MICAL2: variants seen among roughly 807,000 people sequenced by gnomAD.
MICAL2 encodes the protein [F-actin]-monooxygenase MICAL2.
MICAL2 carries 77 observed loss-of-function variants against 127.3 expected under a neutral mutation model. That is an observed-to-expected ratio of 0.60 (90% CI 0.50 to 0.73). MICAL2 has a LOEUF of 0.73. Ranked by LOEUF, MICAL2 falls within the 30% of genes least tolerant of loss-of-function variation. MICAL2 has a pLI of 0.00. For missense variants in MICAL2, 1,351 were observed against 1,434.4 expected, an observed-to-expected ratio of 0.94 and a Z score of 0.94; for synonymous variants, 570 against 551.1, an observed-to-expected ratio of 1.03 and a Z score of -0.48.
At position 12,221,754 on chromosome 11, in the gene MICAL2, T is replaced by A; in HGVS notation, c.1317T>A (p.Ala439=). ...GCACCCCTCCCCTGGAGCTGCTGGC[T>A]GAAAGGTGAGCTTTGACAGTAGGGC... ...NQGTPPLELL[A]ERESLYRLLP... Residue 439 remains alanine, a synonymous_variant, in exon 10 of 28, where the codon GCT becomes GCA. Transcript: ENST00000683283. The A allele has an allele frequency of 1.2e-6, 2 of 1,612,952 alleles. No homozygotes were observed. Among genetic ancestry groups the A allele is most frequent in the Non-Finnish European group, 1.7e-6 (2 of 1,179,472 alleles).
intron 7 of MICAL2, among the ~76,000 whole-genome samples, 179 bp from the exon 8 acceptor site, chr11:12,216,040 A>G (rs576747140): frequency 6.6e-6 from 1 of 152,300 alleles, no homozygotes; most frequent in African/African-American, 2.4e-5. Flanking sequence ...AGCTGCTTTG[A>G]CTTGGGTAGA....
At chr11:12,161,826 G>A in intron 2 of MICAL2, 1 of 384,912 alleles carries the variant, frequency 2.6e-6, no homozygotes, top group Non-Finnish European at 4.8e-6. Flanking sequence ...GCATAGCCCT[G>A]TGCAATCTGT....
chr11:12,361,861 G>A (rs1287184911), downstream of MICAL2, among the ~76,000 whole-genome samples: 1 of 152,252 alleles, frequency 6.6e-6, no homozygotes, highest in African/African-American at 2.4e-5. Context: ...AGAGGTGGCA[G>A]GGGGCAGCCG....
chr11:12,176,447 C>T (rs965651361), intron 3 of MICAL2, among the ~76,000 whole-genome samples: 1 of 152,168 alleles, frequency 6.6e-6, no homozygotes, highest in Non-Finnish European at 1.5e-5. Context: ...TCGCCTCCTT[C>T]TACTTCTTGA....
intron 3 of MICAL2, among the ~76,000 whole-genome samples, chr11:12,199,805 G>A (rs188526392): frequency 6.6e-6 from 1 of 152,162 alleles, no homozygotes; most frequent in East Asian, 1.9e-4. Context: ...CTGTGCTAAC[G>A]TGGAGGCCTG....
At chr11:12,284,957 CAG>C (rs145074035) in intron 2 of MICAL2, among the ~76,000 whole-genome samples, 2,684 of 152,326 alleles carry the variant, frequency 0.018, 56 homozygotes, top group East Asian at 0.11. Flanking sequence ...TTTCTCAAGA[CAG>C]GGGAATTGCG....
chr11:12,147,180 G>A (rs1416356400), intron 2 of MICAL2, among the ~76,000 whole-genome samples: 2 of 151,834 alleles, frequency 1.3e-5, no homozygotes, highest in African/African-American at 4.8e-5. Context: ...TGCACATTGT[G>A]CACATGTACC....
intron 3 of MICAL2, among the ~76,000 whole-genome samples, chr11:12,188,226 G>A (rs1184085964): frequency 1.3e-5 from 2 of 152,100 alleles, no homozygotes; most frequent in African/African-American, 4.8e-5. Context: ...ATTACGTGTT[G>A]CAATGATAAT....
At chr11:12,228,647 G>A (rs1233456031) in intron 15 of MICAL2, among the ~76,000 whole-genome samples, 2 of 152,166 alleles carry the variant, frequency 1.3e-5, no homozygotes, top group Non-Finnish European at 1.5e-5. Flanking sequence ...ATGGGAAGGG[G>A]AACAGGCAGT....
intron 3 of MICAL2, among the ~76,000 whole-genome samples, chr11:12,199,202 T>G (rs2134085589): frequency 6.6e-6 from 1 of 152,348 alleles, no homozygotes; most frequent in South Asian, 2.1e-4. Flanking sequence ...AGTGCCTTAG[T>G]TACCTCACTT....
intron 4 of MICAL2, among the ~76,000 whole-genome samples, chr11:12,206,583 C>T (rs1037022074): frequency 5.3e-5 from 8 of 152,108 alleles, no homozygotes; most frequent in Non-Finnish European, 1.5e-5. Flanking sequence ...TTGGATCACC[C>T]CAGCCACATC....
chr11:12,226,272 A>G lies in MICAL2; in HGVS notation c.1790A>G (p.Lys597Arg). ...EFGIPPVTTGKEMASAQEPDK... is the reference protein window; with the variant it reads ...EFGIPPVTTGREMASAQEPDK... ...GGGATCCCTCCAGTGACCACGGGCA[A>G]AGAGATGGCATCTGCCCAGGAGCCT... The change falls in exon 14 of 28, where the codon AAA (lysine) becomes AGA (arginine). Residue 597 changes from lysine to arginine, a missense_variant. This residue lies in a region of MICAL2 where 752 missense variants were observed against 719.4 expected (regional missense o/e 1.05). Transcript: ENST00000683283. The G allele has an allele frequency of 6.2e-7, 1 of 1,614,230 alleles. No individual in the cohort carries two copies. Among genetic ancestry groups the G allele is most frequent in the South Asian group, 1.1e-5 (1 of 91,084 alleles).
intron 3 of MICAL2, among the ~76,000 whole-genome samples, chr11:12,168,519 CCA>C (rs1855826999): frequency 6.6e-6 from 1 of 150,634 alleles, no homozygotes; most frequent in Admixed American, 6.6e-5. Flanking sequence ...ATACATAACA[CCA>C]CACACACACT....
downstream of MICAL2, among the ~76,000 whole-genome samples, chr11:12,267,117 C>T (rs545307582): frequency 2.0e-5 from 3 of 152,342 alleles, no homozygotes; most frequent in South Asian, 4.1e-4. Context: ...CACCTCCCTT[C>T]GGACACCCAG....
chr11:12,125,957 T>C (rs1850886202), intron 1 of MICAL2, among the ~76,000 whole-genome samples: 2 of 152,218 alleles, frequency 1.3e-5, no homozygotes, highest in Admixed American at 1.3e-4. Flanking sequence ...GTGACTCACC[T>C]GCTTGAGTCA....
chr11:12,227,064 G>T lies in MICAL2; in HGVS notation c.1928G>T (p.Ser643Ile). The change falls in exon 15 of 28, where the codon AGC (serine) becomes ATC (isoleucine). Residue 643 changes from serine (S) to isoleucine (I), a missense_variant. Coordinates refer to ENST00000683283, the MANE Select transcript of MICAL2 (RefSeq NM_001282663.2). ...AACTATGGAGAAAATGCTGACCTCA[G>T]CTTGGCCAAATCATCCATTTCTAAT... Reference protein sequence around the residue: ...RKNYGENADLSLAKSSISNNY... With the variant: ...RKNYGENADLILAKSSISNNY... The T allele has an allele frequency of 6.2e-7, 1 of 1,614,114 alleles. No individual in the cohort carries two copies. Among genetic ancestry groups the T allele is most frequent in the Non-Finnish European group, 8.5e-7 (1 of 1,179,988 alleles).
chr11:12,337,704 G>A (rs1438331465), intron 32 of MICAL2, among the ~76,000 whole-genome samples: 13 of 151,720 alleles, frequency 8.6e-5, no homozygotes, highest in Admixed American at 2.0e-4. Context: ...CCTTCATTTC[G>A]TTATGTACCC....
intron 32 of MICAL2, among the ~76,000 whole-genome samples, chr11:12,343,425 C>T (rs1330864769): frequency 1.4e-5 from 1 of 71,528 alleles, no homozygotes; most frequent in Non-Finnish European, 3.9e-5. Flanking sequence ...AAAAAAAAAA[C>T]TGTAGCCAAT....
At chr11:12,174,394 T>C (rs1305859775) in intron 3 of MICAL2, among the ~76,000 whole-genome samples, 2 of 139,482 alleles carry the variant, frequency 1.4e-5, no homozygotes, top group African/African-American at 5.2e-5. Context: ...CCATTCTACT[T>C]TCTGTCTCTA....
Sources: gnomAD v4.1 joint callset for allele counts (sites outside exome capture counted in the v4.1 genomes callset) on GRCh38, gnomAD v4.1.1 for gene constraint, gnomAD v4.1.1 regional missense constraint, MANE v1.5 for transcripts, NCBI Gene and HGNC (gene_info 2026-07-23, HGNC 2026-07-21) for gene names.